The following COL19A1 variants were observed in gnomAD, a reference collection of about 807,000 sequenced individuals.
The protein encoded by COL19A1 is collagen type XIX alpha 1 chain.
A neutral mutation model predicts 190.2 loss-of-function variants in COL19A1; 159 were observed. That is an observed-to-expected ratio of 0.84 (90% confidence interval 0.73 to 0.95). The LOEUF (loss-of-function observed/expected upper bound fraction) is 0.95. Ranked by LOEUF, COL19A1 falls within the 40% of genes least tolerant of loss-of-function variation. COL19A1 has a pLI of 0.00. For synonymous variants in COL19A1, 509 were observed against 458.9 expected (o/e 1.11, Z -1.39); for missense variants, 1,418 against 1,431.9 (o/e 0.99, Z 0.16).
In COL19A1 at chr6:70,145,353, ACAAAAT is replaced by A. The variant is rs759858189; in HGVS notation, c.1770+349_1770+354del. ...GGAATACTATGCAGCCATAAAAAGGACAAAATCATGTCCTTTGCAGCAACATGGATA... is the reference window on the plus strand; with the variant it reads ...GGAATACTATGCAGCCATAAAAAGGACATGTCCTTTGCAGCAACATGGATA... On this transcript the variant is annotated intron_variant, in intron 25 of 50. Transcript: ENST00000620364. Among the ~76,000 whole-genome samples the A allele has an allele frequency of 4.6e-5, 7 of 152,188 alleles. No homozygotes were observed. In the South Asian group the frequency reaches 8.3e-4, roughly 18 times the overall value.
At chr6:69,999,836 T>A (rs1014469737) in intron 11 of COL19A1, among the ~76,000 whole-genome samples, 1 of 152,212 alleles carries the variant, frequency 6.6e-6, no homozygotes, top group African/African-American at 2.4e-5. Flanking sequence ...CTAATTTATA[T>A]ATGCAGGTTA....
intron 44 of COL19A1, among the ~76,000 whole-genome samples, chr6:70,181,295 A>G (rs527402043): frequency 3.3e-5 from 5 of 152,286 alleles, no homozygotes; most frequent in South Asian, 4.1e-4. Context: ...GGTGGCCACC[A>G]TTTCCTCAGA....
intron 1 of COL19A1, among the ~76,000 whole-genome samples, chr6:69,874,759 TAAA>T (rs554360128): frequency 2.7e-5 from 4 of 145,688 alleles, no homozygotes; most frequent in Admixed American, 6.8e-5. Context: ...TCAAAAAAAA[TAAA>T]AAAAAAAGAA....
chr6:70,104,982 C>T (rs891714377), intron 16 of COL19A1, among the ~76,000 whole-genome samples: 8 of 152,036 alleles, frequency 5.3e-5, no homozygotes, highest in African/African-American at 9.7e-5. Context: ...TATTCAATTC[C>T]GCAGACTTTA....
chr6:69,952,355 G>A (rs1393034516), intron 9 of COL19A1, among the ~76,000 whole-genome samples: 2 of 151,484 alleles, frequency 1.3e-5, no homozygotes, highest in Non-Finnish European at 1.5e-5. Flanking sequence ...CTCAATCATG[G>A]GCACTCTCCA....
At chr6:70,022,358 T>A (rs1356854556) in intron 11 of COL19A1, among the ~76,000 whole-genome samples, 4 of 151,342 alleles carry the variant, frequency 2.6e-5, no homozygotes, top group Admixed American at 1.3e-4. Flanking sequence ...AGAAAAAAAA[T>A]TTAAAAACAG....
At chr6:69,884,202 G>T (rs984151328) in intron 2 of COL19A1, among the ~76,000 whole-genome samples, 2 of 152,076 alleles carry the variant, frequency 1.3e-5, no homozygotes, top group African/African-American at 4.8e-5. Flanking sequence ...GTGCGTGGTG[G>T]CAGGCACCTA....
intron 11 of COL19A1, among the ~76,000 whole-genome samples, chr6:70,010,436 C>A (rs1363799271): frequency 2.0e-5 from 3 of 146,532 alleles, no homozygotes; most frequent in African/African-American, 7.7e-5. Flanking sequence ...TTCTGCATTT[C>A]CATCTGAGGT....
Position 70,161,964 on chromosome 6 carries a change from G to A in COL19A1, c.2346+11G>A, listed in dbSNP as rs749393982. On this transcript the variant is annotated intron_variant, in intron 35 of 50. Coordinates refer to ENST00000620364, the MANE Select transcript of COL19A1 (RefSeq NM_001858.6). ...CCGACTGGACCCCCTGTAAGTATTT[G>A]TTAAAACGATTGCACTCACAGCTTA... is the stretch of plus-strand genomic sequence containing the variant. 4 of 1,588,618 alleles carry A rather than the reference G, an allele frequency of 2.5e-6. No homozygotes were observed. The highest frequency in any genetic ancestry group is 3.4e-6 in the Non-Finnish European group (4 of 1,170,002).
intron 11 of COL19A1, among the ~76,000 whole-genome samples, chr6:69,977,216 T>C (rs1775763108): frequency 1.3e-5 from 2 of 152,140 alleles, no homozygotes; most frequent in South Asian, 4.1e-4. Context: ...ATATACACCA[T>C]GCAATACTAT....
chr6:70,137,167 C>G (rs1318823210), intron 18 of COL19A1, among the ~76,000 whole-genome samples: 1 of 152,130 alleles, frequency 6.6e-6, no homozygotes, highest in Non-Finnish European at 1.5e-5. Flanking sequence ...ACAAGAATGC[C>G]TTATTTGCCC....
chr6:70,106,208 C>A (rs971633326), intron 16 of COL19A1, among the ~76,000 whole-genome samples: 1 of 152,054 alleles, frequency 6.6e-6, no homozygotes, highest in Non-Finnish European at 1.5e-5. Context: ...TTTAACCAGT[C>A]CTTCTACTTG....
intron 31 of COL19A1, among the ~76,000 whole-genome samples, chr6:70,154,584 C>T (rs1424309841): frequency 6.6e-6 from 1 of 152,072 alleles, no homozygotes; most frequent in East Asian, 1.9e-4. Context: ...TGAAAGGAAG[C>T]TTATTAAGGA....
chr6:69,996,991 ATG>A lies in COL19A1; in HGVS notation c.1027-26624_1027-26623del, dbSNP rs1305236189. On this transcript the variant is annotated intron_variant, in intron 11 of 50. Transcript: ENST00000620364. ...TGTGTACATATATGTATGTGTACGT[ATG>A]TGTGTGTGTGTTTATATATACATAT... Among the ~76,000 whole-genome samples, 7 of 143,284 alleles carry A rather than the reference ATG, an allele frequency of 4.9e-5. No individual in the cohort carries two copies. In the East Asian group the frequency reaches 6.2e-4, roughly 13 times the overall value. The allele number at this position is 143,284 out of a possible 152,430, so 94.0% of individuals were successfully genotyped here.
intron 15 of COL19A1, among the ~76,000 whole-genome samples, chr6:70,096,384 A>G (rs1477679523): frequency 2.6e-5 from 4 of 151,988 alleles, no homozygotes; most frequent in African/African-American, 7.3e-5. Flanking sequence ...TTACAATCCC[A>G]TCAACCTTGC....
Position 69,927,891 on chromosome 6 carries a change from T to C in COL19A1, c.267-18T>C. ...ATCTCCAGTTTCCCCACAAAAGTTC[T>C]TTGTTTTCCTCCCACAGTAAGATAT... On this transcript the variant is annotated intron_variant, in intron 4 of 50. Transcript: ENST00000620364. The C allele has an allele frequency of 6.3e-7, 1 of 1,584,894 alleles. No homozygotes were observed. Among genetic ancestry groups the C allele is most frequent in the Non-Finnish European group, 8.6e-7 (1 of 1,162,048 alleles).
At chr6:70,172,892 T>C (rs1170482838) in intron 41 of COL19A1, among the ~76,000 whole-genome samples, 1 of 152,154 alleles carries the variant, frequency 6.6e-6, no homozygotes, top group Non-Finnish European at 1.5e-5. Flanking sequence ...TTAGAAGATA[T>C]CCAGTAATCC....
chr6:69,894,022 T>G (rs1769546110), intron 2 of COL19A1, among the ~76,000 whole-genome samples: 1 of 152,056 alleles, frequency 6.6e-6, no homozygotes, highest in Admixed American at 6.6e-5. Flanking sequence ...CTTAAATGTA[T>G]TTGATTGATG....
intron 11 of COL19A1, among the ~76,000 whole-genome samples, chr6:70,018,213 A>C (rs966104272): frequency 2.6e-5 from 4 of 152,096 alleles, no homozygotes; most frequent in African/African-American, 9.7e-5. Context: ...AGAAGAGTAA[A>C]GAATGGTTTT....
Sources: gnomAD v4.1 joint callset for allele counts (sites outside exome capture counted in the v4.1 genomes callset) on GRCh38, gnomAD v4.1.1 for gene constraint, MANE v1.5 for transcripts, NCBI Gene and HGNC (gene_info 2026-07-23, HGNC 2026-07-21) for gene names.